Variants in CCDC180 observed in about 807,000 individuals in gnomAD.
CCDC180 encodes the protein coiled-coil domain-containing protein 180.
A neutral mutation model predicts 209.2 loss-of-function variants in CCDC180; 154 were observed. That is an observed-to-expected ratio of 0.74 (90% confidence interval 0.65 to 0.84). The LOEUF is 0.84. CCDC180 is among the 40% of genes least tolerant of loss of function. The probability of loss-of-function intolerance (pLI) is 0.00; values close to 1 mark genes in which losing one functional copy is unlikely to be tolerated. For missense variants in CCDC180, 1,874 were observed against 1,997.3 expected (o/e 0.94, Z 1.18); for synonymous variants, 778 against 749.1 (o/e 1.04, Z -0.63).
At chr9:97,312,374 C>G (rs1413328787) in intron 4 of CCDC180, among the ~76,000 whole-genome samples, 173 bp downstream of exon 4, 1 of 144,494 alleles carries the variant, frequency 6.9e-6, no homozygotes, top group Non-Finnish European at 1.6e-5. Flanking sequence ...CAAGAGTCCT[C>G]CCCTGTGCAG....
intron 18 of CCDC180, among the ~76,000 whole-genome samples, chr9:97,333,503 G>GTTTTTGTTTTT (rs1564157871): frequency 1.4e-5 from 1 of 72,850 alleles, no homozygotes; most frequent in Non-Finnish European, 2.6e-5. Flanking sequence ...CTGGGTTTGG[G>GTTTTTGTTTTT]TTTTTTTTTT....
At chr9:97,364,354 G>A in intron 29 of CCDC180, 2 of 491,314 alleles carry the variant, frequency 4.1e-6, no homozygotes, top group Admixed American at 4.1e-5. Context: ...AAGCTAACAA[G>A]CATTTCCTGG....
rs1833090409 is a variant in CCDC180, at chr9:97,314,428, T to C, written c.495T>C (p.Leu165=). The C allele has an allele frequency of 1.2e-6, 2 of 1,614,026 alleles. No homozygotes were observed. The highest frequency in any genetic ancestry group is 2.7e-5 in the African/African-American group (2 of 74,940). Residue 165 remains leucine (L), a synonymous_variant, in exon 6 of 37, where the codon CTT becomes CTC. Transcript: ENST00000529487. ...MEPLIVDTGG[L]FLKKLTESDE... ...CTCTCATCGTGGACACAGGGGGACT[T>C]TTTTTGAAGAAGCTGACTGAGTCTG...
Position 97,349,301 on chromosome 9 carries a change from C to T in CCDC180, c.2855+10C>T, listed in dbSNP as rs149670626. ...CCACCAGGAGCCAAAAGTAAGGGGTCCTGGGAGTCTCCACCCCAGCCATGT... is the reference window on the plus strand; with the variant it reads ...CCACCAGGAGCCAAAAGTAAGGGGTTCTGGGAGTCTCCACCCCAGCCATGT... On this transcript the variant is annotated intron_variant, in intron 21 of 36. Transcript: ENST00000529487. 1.6e-3 allele frequency: 2,445 copies of T among 1,533,612 alleles called. 34 individuals carry two copies. The African/African-American group carries it at 0.029, about 18-fold the overall frequency.
chr9:97,308,937 A>C (rs1187372900), intron 2 of CCDC180, among the ~76,000 whole-genome samples: 3 of 151,942 alleles, frequency 2.0e-5, no homozygotes, highest in Admixed American at 6.6e-5. Context: ...AGTTTTGGTT[A>C]TAATTTCTAA....
rs148165882 is a variant in CCDC180 at position 97,365,721 on chromosome 9, C to T, written c.4029C>T (p.Asn1343=). The T allele has an allele frequency of 3.7e-6, 6 of 1,614,020 alleles. No homozygotes were observed. The highest frequency in any genetic ancestry group is 3.3e-5 in the Admixed American group (2 of 60,028). Residue 1343 remains asparagine, a synonymous_variant, in exon 30 of 37, where the codon AAC becomes AAT. Coordinates refer to ENST00000529487, the MANE Select transcript of CCDC180 (RefSeq NM_020893.6). ...CCCTCCTCTGGGAGAGCAGTGAGAA[C>T]CTGCTGACAGTCGCAGAGGTGAGGA... The part of the protein sequence containing the change: ...ILTLLWESSE[N]LLTVAEEFYR...
rs540545537 is a variant in CCDC180 at position 97,317,141 on chromosome 9, A to C, written c.872A>C (p.Gln291Pro). 5.0e-6 allele frequency: 8 copies of C among 1,613,410 alleles called. No individual in the cohort carries two copies. The South Asian group carries it at 7.7e-5, about 16-fold the overall frequency. Residue 291 changes from glutamine to proline, a missense_variant, in exon 9 of 37, where the codon CAG becomes CCG. Transcript: ENST00000529487. The stretch of plus-strand genomic sequence containing the variant: ...GTCAACCTGATGGAGTCCACCCTGC[A>C]GCAGGAGCTGGACAGCCGCCACCGC... ...LFVNLMESTL[Q>P]QELDSRHRWQ... is the part of the protein sequence containing the mutation.
At position 97,327,184 on chromosome 9, in the gene CCDC180, T is replaced by C. The variant is rs534705056; in HGVS notation, c.1661+515T>C. On this transcript the variant is annotated intron_variant, in intron 15 of 36. Transcript: ENST00000529487. The stretch of plus-strand genomic sequence containing the variant: ...ACTCTGTCTCAAAAACAAAAAAAAA[T>C]TTAAACATGTACATTCTTGTTAAAG... Among the ~76,000 whole-genome samples the C allele has an allele frequency of 3.1e-4, 47 of 152,006 alleles. 1 individual carries two copies. The highest frequency in any genetic ancestry group is 1.1e-3 in the African/African-American group (46 of 41,458).
intron 26 of CCDC180, among the ~76,000 whole-genome samples, chr9:97,361,206 A>T (rs1480454567): frequency 1.3e-5 from 2 of 152,328 alleles, no homozygotes; most frequent in Admixed American, 6.5e-5. Flanking sequence ...CACTTTCTCT[A>T]GGAGCCTGCT....
intron 21 of CCDC180, among the ~76,000 whole-genome samples, chr9:97,349,505 A>T (rs1287954417): frequency 6.6e-6 from 1 of 152,234 alleles, no homozygotes; most frequent in African/African-American, 2.4e-5. Flanking sequence ...AGCAAAGTAT[A>T]TGCACAGGCA....
rs763920205 is a variant in CCDC180, at chr9:97,308,107, C to CCT, written c.45_46dup (p.Tyr16SerfsTer28). The CCT allele has an allele frequency of 1.9e-6, 3 of 1,609,600 alleles. 1 individual carries two copies. In the South Asian group the frequency reaches 3.3e-5, roughly 18 times the overall value. On this transcript the variant is annotated frameshift_variant, in exon 2 of 37. Transcript: ENST00000529487. LOFTEE classifies it high-confidence loss of function. ...GTGACCCAGGTTCCGAATGGGAAAGCCTACCAGCAGATCTTCCAGGCTGAG... is the reference window on the plus strand; with the variant it reads ...GTGACCCAGGTTCCGAATGGGAAAGCCTCTACCAGCAGATCTTCCAGGCTGAG...
In CCDC180 at chr9:97,377,562, A is replaced by T. The variant is rs1587842853; in HGVS notation, c.*668A>T. 6.6e-6 allele frequency: 1 copy of T among 152,418 alleles called. No homozygotes were observed. The highest frequency in any genetic ancestry group is 6.5e-5 in the Admixed American group (1 of 15,314). The allele number at this position is 152,418 out of a possible 1,614,324, so 9.4% of individuals were successfully genotyped here. ...GTCATCTGGACAGGTTTCCTCAGCC[A>T]TAGACCTAGGAGGCCCCAGCTCCCA... On this transcript the variant is annotated 3_prime_UTR_variant, in exon 37 of 37. Transcript: ENST00000529487.
At chr9:97,323,737 A>G in intron 12 of CCDC180, 44 bp from the exon 13 acceptor site, 1 of 1,529,654 alleles carries the variant, frequency 6.5e-7, no homozygotes, top group African/African-American at 1.4e-5. Context: ...GCCTGTGGGG[A>G]CCTCAGTCCT....
intron 19 of CCDC180, among the ~76,000 whole-genome samples, chr9:97,344,893 ACT>A (rs1268239929): frequency 1.3e-5 from 2 of 151,326 alleles, no homozygotes; most frequent in African/African-American, 4.9e-5. Context: ...CCAAGTCACC[ACT>A]CTCTCTTCCC....
Position 97,366,052 on chromosome 9 carries a change from C to T in CCDC180, c.4047+313C>T, listed in dbSNP as rs1826910390. Among the ~76,000 whole-genome samples the T allele has an allele frequency of 6.6e-6, 1 of 152,208 alleles. No individual in the cohort carries two copies. The highest frequency in any genetic ancestry group is 2.4e-5 in the African/African-American group (1 of 41,460). ...CCCAGTGGAAAGCTGACAGACCTGG[C>T]GGGGGCACAGAAAGAGGTGGGGCAG... On this transcript the variant is annotated intron_variant, in intron 30 of 36. Coordinates refer to ENST00000529487, the MANE Select transcript of CCDC180 (RefSeq NM_020893.6). The surrounding 1 kb of genome is among the most constrained non-coding windows in gnomAD (Gnocchi z 4.3).
At chr9:97,354,248 C>T (rs1030535023) in intron 22 of CCDC180, among the ~76,000 whole-genome samples, 1 of 152,146 alleles carries the variant, frequency 6.6e-6, no homozygotes, top group African/African-American at 2.4e-5. Flanking sequence ...CTGCCTCAGC[C>T]TCCCAAACTT....
rs1832838078 is a variant in CCDC180, at chr9:97,307,662, C to G, written c.-226C>G. On this transcript the variant is annotated 5_prime_UTR_variant, in exon 1 of 37. Transcript: ENST00000529487. ...TTCCAGTCCCAACCGACACCTTGAGCGCCGTTAACTTTTCCCCGAAGAGCA... is the reference window on the plus strand; with the variant it reads ...TTCCAGTCCCAACCGACACCTTGAGGGCCGTTAACTTTTCCCCGAAGAGCA... The G allele has an allele frequency of 7.0e-7, 1 of 1,437,646 alleles. No individual in the cohort carries two copies. Among genetic ancestry groups the G allele is most frequent in the East Asian group, 2.3e-5 (1 of 43,736 alleles). 89.1% of individuals were successfully genotyped at this position (1,437,646 alleles called of 1,614,324 possible). A position where few individuals can be genotyped will look rare whatever the true frequency, so the allele number is the denominator to read the frequency against.
chr9:97,365,534 G>A (rs1826893591), intron 29 of CCDC180, 139 bp from the exon 30 acceptor site: 3 of 738,324 alleles, frequency 4.1e-6, no homozygotes, highest in Non-Finnish European at 4.9e-6. Flanking sequence ...AGTGTGCAGA[G>A]GTCCTGGGGC....
At position 97,330,386 on chromosome 9, in the gene CCDC180, G is replaced by A. The variant is rs776048111; in HGVS notation, c.1893G>A (p.Glu631=). Residue 631 remains glutamate, a synonymous_variant, in exon 18 of 37, where the codon GAG becomes GAA. Coordinates refer to ENST00000529487, the MANE Select transcript of CCDC180 (RefSeq NM_020893.6). ...TGAGGAAGAAGCAAGGGTCTAAAGA[G>A]GACATGACCAGAAGTGAGGAAAGCA... ...KKLRKKQGSK[E]DMTRSEESIS... is the part of the protein sequence containing the mutation. 19 of 1,614,018 alleles carry A rather than the reference G, an allele frequency of 1.2e-5. No homozygotes were observed. The South Asian group carries it at 1.9e-4, about 16-fold the overall frequency.
Sources: gnomAD v4.1 joint callset for allele counts (sites outside exome capture counted in the v4.1 genomes callset) on GRCh38, gnomAD v4.1.1 for gene constraint, Gnocchi (gnomAD v3.1) non-coding constraint, MANE v1.5 for transcripts, NCBI Gene and HGNC (gene_info 2026-07-23, HGNC 2026-07-21) for gene names.